DLC1: variants seen among roughly 807,000 people sequenced by gnomAD.
The protein encoded by DLC1 is rho GTPase-activating protein 7.
DLC1 carries 54 observed loss-of-function variants against 140.3 expected under a neutral mutation model. The ratio of observed to expected loss-of-function variants is 0.38; its 90% CI spans 0.31 to 0.48. The LOEUF is 0.48. DLC1 is among the 20% of genes least tolerant of loss of function. DLC1 has a pLI of 0.96. For missense variants in DLC1, 2,536 were observed against 1,907.0 expected, an observed-to-expected ratio of 1.33 and a Z score of -6.14; for synonymous variants, 986 against 728.1, an observed-to-expected ratio of 1.35 and a Z score of -5.70.
At chr8:13,503,340 A>T (rs1310278646) in intron 1 of DLC1, among the ~76,000 whole-genome samples, 1 of 152,124 alleles carries the variant, frequency 6.6e-6, no homozygotes, top group Non-Finnish European at 1.5e-5. Context: ...GGAGGTCAAG[A>T]CTGCAGTGAG....
At chr8:13,527,468 T>C (rs1374716997) in intron 1 of DLC1, among the ~76,000 whole-genome samples, 1 of 152,302 alleles carries the variant, frequency 6.6e-6, no homozygotes, top group East Asian at 1.9e-4. Flanking sequence ...CTATCTTTTA[T>C]ATATTATTGA....
intron 5 of DLC1, among the ~76,000 whole-genome samples, chr8:13,144,119 T>C (rs1293270319): frequency 6.6e-6 from 1 of 152,196 alleles, no homozygotes; most frequent in Non-Finnish European, 1.5e-5. Context: ...ATCAGTGGAC[T>C]AAGAAAGATC....
At chr8:13,398,517 C>G (rs574005030) in intron 3 of DLC1, among the ~76,000 whole-genome samples, 1 of 150,278 alleles carries the variant, frequency 6.7e-6, no homozygotes, top group Admixed American at 6.7e-5. Flanking sequence ...ATAATCCCAA[C>G]ACATTGGGAG....
chr8:13,507,052 C>A (rs1035359280), intron 1 of DLC1, among the ~76,000 whole-genome samples: 3 of 152,126 alleles, frequency 2.0e-5, no homozygotes, highest in Non-Finnish European at 4.4e-5. Context: ...CAGACATGAT[C>A]ACAGGAGCAC....
At chr8:13,561,353 G>A (rs960010749) in intron 1 of DLC1, among the ~76,000 whole-genome samples, 2 of 152,054 alleles carry the variant, frequency 1.3e-5, no homozygotes, top group East Asian at 3.9e-4. Flanking sequence ...TCATTTTGTA[G>A]AAACAAGTTT....
chr8:13,288,305 C>A (rs1329652683), intron 5 of DLC1, among the ~76,000 whole-genome samples: 9 of 152,084 alleles, frequency 5.9e-5, no homozygotes, highest in Non-Finnish European at 1.0e-4. Context: ...GCAGATGGGG[C>A]AATGTAACGG....
chr8:13,137,337 G>C (rs1822645757), intron 5 of DLC1, among the ~76,000 whole-genome samples: 1 of 152,160 alleles, frequency 6.6e-6, no homozygotes, highest in Admixed American at 6.5e-5. Flanking sequence ...GCTGCATTCA[G>C]TGAGATTTTG....
intron 4 of DLC1, among the ~76,000 whole-genome samples, chr8:13,360,300 G>A (rs1398671818): frequency 6.6e-6 from 1 of 152,178 alleles, no homozygotes; most frequent in Non-Finnish European, 1.5e-5. Context: ...ATCACATGGA[G>A]AAATTTAATA....
At chr8:13,392,220 G>A (rs1009987410) in intron 4 of DLC1, among the ~76,000 whole-genome samples, 13 of 152,024 alleles carry the variant, frequency 8.6e-5, no homozygotes, top group South Asian at 8.3e-4. Flanking sequence ...ATTTCATTGC[G>A]TTTCACTGTT....
At chr8:13,335,313 A>G (rs1044209942) in intron 4 of DLC1, among the ~76,000 whole-genome samples, 2 of 152,226 alleles carry the variant, frequency 1.3e-5, no homozygotes, top group Admixed American at 1.3e-4. Flanking sequence ...ACTAAAGTAC[A>G]GTAGAGTTCA....
intron 4 of DLC1, among the ~76,000 whole-genome samples, chr8:13,330,916 G>A (rs1316632511): frequency 1.8e-4 from 28 of 152,148 alleles, no homozygotes; most frequent in Non-Finnish European, 2.9e-5. Flanking sequence ...TCTGCAAAAT[G>A]TTTACACACT....
At chr8:13,130,013 C>A (rs1207089957) in intron 5 of DLC1, among the ~76,000 whole-genome samples, 1 of 152,170 alleles carries the variant, frequency 6.6e-6, no homozygotes, top group Non-Finnish European at 1.5e-5. Context: ...TCCTGTCCAG[C>A]ACAAGGCTCT....
chr8:13,413,256 A>ATTTTTT (rs58038503), intron 2 of DLC1, among the ~76,000 whole-genome samples: 5,483 of 81,662 alleles, frequency 0.067, 1,041 homozygotes, highest in East Asian at 0.44. Context: ...TTTTTTTGCG[A>ATTTTTT]TTTTTTTTTT....
At chr8:13,226,272 G>A (rs1221110836) in intron 5 of DLC1, among the ~76,000 whole-genome samples, 1 of 152,032 alleles carries the variant, frequency 6.6e-6, no homozygotes, top group Non-Finnish European at 1.5e-5. Flanking sequence ...TTTATATTTG[G>A]AAATTTCTCT....
chr8:13,571,760 T>G (rs1804660378), intron 1 of DLC1, among the ~76,000 whole-genome samples: 1 of 152,224 alleles, frequency 6.6e-6, no homozygotes, highest in Non-Finnish European at 1.5e-5. Context: ...TAATTCTATG[T>G]TTAGCTTTTT....
At chr8:13,201,053 G>C (rs541211283) in intron 5 of DLC1, among the ~76,000 whole-genome samples, 57 of 152,186 alleles carry the variant, frequency 3.7e-4, no homozygotes, top group African/African-American at 1.4e-3. Context: ...TAGGAAACAA[G>C]CAGGGCTTTT....
At chr8:13,458,802 A>G (rs185215197) in intron 2 of DLC1, among the ~76,000 whole-genome samples, 1 of 151,242 alleles carries the variant, frequency 6.6e-6, no homozygotes, top group Non-Finnish European at 1.5e-5. Flanking sequence ...TAATCTAAAA[A>G]ACCAAGCCCA....
chr8:13,161,038 G>A (rs757959414), intron 5 of DLC1, among the ~76,000 whole-genome samples: 2 of 152,160 alleles, frequency 1.3e-5, no homozygotes, highest in Non-Finnish European at 2.9e-5. Flanking sequence ...CCGAGATCGC[G>A]CCACTGCTCT....
At chr8:13,366,891 TG>T (rs1221546973) in intron 4 of DLC1, among the ~76,000 whole-genome samples, 1 of 152,164 alleles carries the variant, frequency 6.6e-6, no homozygotes, top group Non-Finnish European at 1.5e-5. Context: ...CTCATCTCTG[TG>T]GAATTGCTGG....
Sources: allele counts gnomAD v4.1 joint callset (sites outside exome capture counted in the v4.1 genomes callset), GRCh38; gene constraint gnomAD v4.1.1; transcripts MANE v1.5; gene names NCBI Gene and HGNC (gene_info 2026-07-23, HGNC 2026-07-21).